GSG1L: variants seen among roughly 807,000 people sequenced by gnomAD.
GSG1L encodes the protein germ cell-specific gene 1-like protein.
In GSG1L, 24 loss-of-function variants were observed where a neutral mutation model predicts 42.1. The ratio of observed to expected loss-of-function variants is 0.57; its 90% CI spans 0.41 to 0.80. The LOEUF (loss-of-function observed/expected upper bound fraction) is 0.80, where lower values mean the gene tolerates loss of function less well. Among genes scored for constraint, GSG1L ranks in the 30% least tolerant of loss-of-function variants. The pLI, the probability that GSG1L is intolerant of heterozygous loss-of-function variation, is 0.00. For missense variants in GSG1L, 445 were observed against 472.2 expected, an observed-to-expected ratio of 0.94 and a Z score of 0.53; for synonymous variants, 215 against 203.5, an observed-to-expected ratio of 1.06 and a Z score of -0.48.
At chr16:28,033,589 A>G (rs1212213689) in intron 1 of GSG1L, among the ~76,000 whole-genome samples, 1 of 152,206 alleles carries the variant, frequency 6.6e-6, no homozygotes, top group Non-Finnish European at 1.5e-5. Context: ...AAAGAAAGAG[A>G]GAAAAAATAC....
At chr16:27,833,919 AC>A (rs2083296961) in intron 4 of GSG1L, among the ~76,000 whole-genome samples, 1 of 152,074 alleles carries the variant, frequency 6.6e-6, no homozygotes, top group South Asian at 2.1e-4. Flanking sequence ...CAATCTGTAT[AC>A]TTTTTATTTT....
At chr16:27,836,111 T>C (rs1023226711) in intron 4 of GSG1L, among the ~76,000 whole-genome samples, 8 of 152,150 alleles carry the variant, frequency 5.3e-5, no homozygotes, top group African/African-American at 1.9e-4. Context: ...TTGCCACGTA[T>C]AGAATTTTAA....
chr16:28,063,152 G>A lies in GSG1L; in HGVS notation c.273C>T (p.Thr91=). Residue 91 remains threonine (T), a synonymous_variant, in exon 1 of 7, where the codon ACC becomes ACT. Transcript: ENST00000447459. This position sits in a 1 kb window ranked among gnomAD's most constrained non-coding sequence, Gnocchi z 5.8. ...PPGGALYSWE[T]GDDRFLFRNF... The stretch of plus-strand genomic sequence containing the variant: ...TCCTGAAGAGGAAGCGGTCGTCGCC[G>A]GTCTCCCAGCTGTAGAGCGCGCCGC... 1 of 1,424,022 alleles carries A rather than the reference G, an allele frequency of 7.0e-7. No individual in the cohort carries two copies. The highest frequency in any genetic ancestry group is 9.2e-7 in the Non-Finnish European group (1 of 1,082,678). 88.2% of individuals were successfully genotyped at this position (1,424,022 alleles called of 1,614,324 possible).
At chr16:27,960,943 C>T (rs1201045531) in intron 2 of GSG1L, among the ~76,000 whole-genome samples, 1 of 152,134 alleles carries the variant, frequency 6.6e-6, no homozygotes, top group Non-Finnish European at 1.5e-5. Context: ...AAGATACAAC[C>T]TCTTTGGGGT....
At chr16:27,857,908 G>A (rs1397758039) in intron 3 of GSG1L, among the ~76,000 whole-genome samples, 2 of 151,962 alleles carry the variant, frequency 1.3e-5, no homozygotes, top group East Asian at 1.9e-4. Flanking sequence ...GGCCCTGATC[G>A]GCAGAGACAC....
At chr16:27,875,531 C>T (rs1008223056) in intron 3 of GSG1L, among the ~76,000 whole-genome samples, 7 of 152,156 alleles carry the variant, frequency 4.6e-5, no homozygotes, top group African/African-American at 1.7e-4. Context: ...TCGTTCGGTT[C>T]CACTGTGGAC....
At chr16:27,845,165 A>T in intron 3 of GSG1L, 104 bp from the exon 4 acceptor site, 1 of 719,968 alleles carries the variant, frequency 1.4e-6, no homozygotes. Flanking sequence ...GCCTGTGATC[A>T]CTGTGGAGAA....
At chr16:27,988,709 G>C (rs1458392246) in intron 1 of GSG1L, among the ~76,000 whole-genome samples, 2 of 149,062 alleles carry the variant, frequency 1.3e-5, no homozygotes, top group African/African-American at 2.5e-5. Context: ...ATATTAATAA[G>C]AGAGAAAATT....
chr16:27,944,344 G>C (rs1253549109), intron 2 of GSG1L, among the ~76,000 whole-genome samples: 1 of 152,070 alleles, frequency 6.6e-6, no homozygotes, highest in Admixed American at 6.6e-5. Flanking sequence ...GGAATGGGCC[G>C]GGTGTGGTGG....
intron 2 of GSG1L, among the ~76,000 whole-genome samples, chr16:27,887,634 A>G (rs1043221951): frequency 6.6e-6 from 1 of 152,292 alleles, no homozygotes; most frequent in Non-Finnish European, 1.5e-5. Flanking sequence ...ACATCCAAGA[A>G]ATACTATTTA....
chr16:28,053,404 T>C (rs2086240859), intron 1 of GSG1L, among the ~76,000 whole-genome samples: 1 of 152,208 alleles, frequency 6.6e-6, no homozygotes, highest in South Asian at 2.1e-4. Context: ...GGGTCAGTGA[T>C]GAAACGAAGC....
rs140184247 is a variant in GSG1L, at chr16:27,951,944, T to A, written c.397+11212A>T. On this transcript the variant is annotated intron_variant, in intron 2 of 6. Transcript: ENST00000447459. ...ATGGAGCCAACCACATTGTTACACATCCCTGAAATATTAAACAAATGAAAC... is the reference window on the plus strand; with the variant it reads ...ATGGAGCCAACCACATTGTTACACAACCCTGAAATATTAAACAAATGAAAC... Among the ~76,000 whole-genome samples, 394 of 152,270 alleles carry A rather than the reference T, an allele frequency of 2.6e-3. 5 individuals carry two copies. The highest frequency in any genetic ancestry group is 9.3e-3 in the African/African-American group (388 of 41,554).
chr16:27,885,303 C>T (rs2084014251), intron 2 of GSG1L, among the ~76,000 whole-genome samples: 1 of 152,030 alleles, frequency 6.6e-6, no homozygotes, highest in South Asian at 2.1e-4. Flanking sequence ...GAGTGCGCCA[C>T]CAAACCCAGC....
chr16:27,914,620 C>G (rs1362619458), intron 2 of GSG1L, among the ~76,000 whole-genome samples: 1 of 151,340 alleles, frequency 6.6e-6, no homozygotes, highest in Non-Finnish European at 1.5e-5. Flanking sequence ...ACCTCCCAGG[C>G]TCTAGTGATT....
intron 3 of GSG1L, among the ~76,000 whole-genome samples, chr16:27,857,477 C>T (rs1254693513): frequency 2.0e-5 from 3 of 150,648 alleles, no homozygotes; most frequent in Non-Finnish European, 4.4e-5. Context: ...TGCGATGGTT[C>T]ACTCCTGTAA....
intron 2 of GSG1L, among the ~76,000 whole-genome samples, chr16:27,958,982 T>A (rs565888075): frequency 5.9e-5 from 9 of 151,480 alleles, no homozygotes; most frequent in South Asian, 2.1e-4. Context: ...GCCACGGTTG[T>A]TAAAATTTCT....
chr16:28,028,385 T>C (rs546700204), intron 1 of GSG1L, among the ~76,000 whole-genome samples: 2 of 152,120 alleles, frequency 1.3e-5, no homozygotes, highest in South Asian at 2.1e-4. Flanking sequence ...CACTTGCAAA[T>C]TGACAAAAGT....
intron 6 of GSG1L, among the ~76,000 whole-genome samples, chr16:27,803,800 G>GATATATATATAGAT (rs1406574562): frequency 1.3e-5 from 1 of 74,246 alleles, no homozygotes; most frequent in East Asian, 3.8e-4. Context: ...TATATAGATA[G>GATATATATATAGAT]ATAGATATAG....
chr16:28,063,491 GC>G lies in GSG1L; in HGVS notation c.-68del. ...TCCGCGCGCGAAGTTGGCAGCTGGCGCCCCGCGTCAGCGGCCGCTGCCCGCC... is the reference window on the plus strand; with the variant it reads ...TCCGCGCGCGAAGTTGGCAGCTGGCGCCCGCGTCAGCGGCCGCTGCCCGCC... On this transcript the variant is annotated 5_prime_UTR_variant, in exon 1 of 7. Transcript: ENST00000447459. The surrounding 1 kb of genome is among the most constrained non-coding windows in gnomAD (Gnocchi z 5.8). 13 of 1,038,508 alleles carry G rather than the reference GC, an allele frequency of 1.3e-5. No individual in the cohort carries two copies. Among genetic ancestry groups the G allele is most frequent in the Non-Finnish European group, 1.5e-5 (13 of 842,206 alleles). The allele number at this position is 1,038,508 out of a possible 1,614,324, so 64.3% of individuals were successfully genotyped here.
Sources: allele counts gnomAD v4.1 joint callset (sites outside exome capture counted in the v4.1 genomes callset), GRCh38; gene constraint gnomAD v4.1.1; non-coding constraint Gnocchi (gnomAD v3.1); transcripts MANE v1.5; gene names NCBI Gene and HGNC (gene_info 2026-07-23, HGNC 2026-07-21).